TTC23L: variants seen among roughly 807,000 people sequenced by gnomAD.
TTC23L encodes the protein tetratricopeptide repeat domain 23 like, also known as tetratricopeptide repeat protein 23-like.
TTC23L carries 42 observed loss-of-function variants against 48.1 expected under a neutral mutation model. The ratio of observed to expected loss-of-function variants is 0.87; its 90% CI spans 0.68 to 1.13. The LOEUF is 1.13. TTC23L is among the 50% of genes most tolerant of loss of function. TTC23L has a pLI of 0.00. For synonymous variants in TTC23L, 159 were observed against 157.2 expected (o/e 1.01, Z -0.09); for missense variants, 391 against 421.0 (o/e 0.93, Z 0.62).
intron 8 of TTC23L, among the ~76,000 whole-genome samples, chr5:34,875,579 T>G (rs939766919): frequency 3.9e-5 from 6 of 151,932 alleles, no homozygotes; most frequent in Non-Finnish European, 8.8e-5. Flanking sequence ...AGATTAAGGG[T>G]GGGTCTGCCT....
chr5:34,839,600 G>A (rs953457799), intron 1 of TTC23L: 2 of 984,894 alleles, frequency 2.0e-6, no homozygotes, highest in African/African-American at 3.5e-5. Flanking sequence ...GTTAAAAAGA[G>A]AAATTAGTGA....
chr5:34,910,303 T>C, the TTC23L span, among the ~76,000 whole-genome samples: 252 of 152,306 alleles, frequency 1.7e-3, no homozygotes, highest in African/African-American at 5.7e-3. Context: ...TTTAAGTACC[T>C]GAATTTTTTA....
At chr5:34,876,551 TCA>T (rs1421187772) in intron 8 of TTC23L, among the ~76,000 whole-genome samples, 2 of 152,228 alleles carry the variant, frequency 1.3e-5, no homozygotes, top group Admixed American at 6.5e-5. Flanking sequence ...CTGCCAAAAC[TCA>T]CATAAGAAAA....
chr5:34,863,015 T>A lies in TTC23L; in HGVS notation c.497T>A (p.Leu166Gln). 1 of 1,613,994 alleles carries A rather than the reference T, an allele frequency of 6.2e-7. No individual in the cohort carries two copies. The highest frequency in any genetic ancestry group is 8.5e-7 in the Non-Finnish European group (1 of 1,179,884). The stretch of plus-strand genomic sequence containing the variant: ...GAAATCCTGGAAGCTCTGGTCAAGC[T>A]GTACTACACTCTGGGCGTGGCCTGG... Residue 166 changes from leucine (L) to glutamine (Q), a missense_variant, in exon 5 of 11, where the codon CTG becomes CAG. Physicochemically the swap from Leu to Gln is moderately radical, Grantham distance 113. Coordinates refer to ENST00000505624, the Ensembl canonical transcript of TTC23L. The surrounding 1 kb of genome is among the most constrained non-coding windows in gnomAD (Gnocchi z 4.1).
At chr5:34,918,636 G>A in the TTC23L span, 3 of 479,090 alleles carry the variant, frequency 6.3e-6, no homozygotes, top group Non-Finnish European at 7.5e-6. Flanking sequence ...TTAACATTTC[G>A]TAAGAAATTC....
At chr5:34,849,554 ACAGT>A (rs1426410938) in intron 3 of TTC23L, among the ~76,000 whole-genome samples, 4 of 152,232 alleles carry the variant, frequency 2.6e-5, no homozygotes, top group African/African-American at 4.8e-5. Context: ...CACAGTGTGG[ACAGT>A]CAAACAAATT....
chr5:34,866,016 A>C (rs528507524), intron 6 of TTC23L, among the ~76,000 whole-genome samples: 2 of 152,368 alleles, frequency 1.3e-5, no homozygotes, highest in East Asian at 1.9e-4. Flanking sequence ...ATGTAGGCTT[A>C]TAGAGTTTGA....
In TTC23L at chr5:34,863,201, C is replaced by A; in HGVS notation, c.536+147C>A. On this transcript the variant is annotated intron_variant, in intron 5 of 10. Transcript: ENST00000505624. The surrounding 1 kb of genome is among the most constrained non-coding windows in gnomAD (Gnocchi z 4.1). ...AAGGCCCTCCATGAGCCTCTCCTCT[C>A]CATCTAGAAGGGTGTGTATTCTCTT... 1 of 943,864 alleles carries A rather than the reference C, an allele frequency of 1.1e-6. No homozygotes were observed. Among genetic ancestry groups the A allele is most frequent in the Non-Finnish European group, 1.6e-6 (1 of 629,234 alleles). The allele number at this position is 943,864 out of a possible 1,614,324, so 58.5% of individuals were successfully genotyped here.
the TTC23L span, chr5:34,909,392 C>T: frequency 7.1e-7 from 1 of 1,402,698 alleles, no homozygotes; most frequent in Middle Eastern, 1.8e-4. Context: ...TTCATTCATC[C>T]AAAAATAAAC....
chr5:34,893,763 C>T (rs1255012755), intron 9 of TTC23L, among the ~76,000 whole-genome samples: 1 of 151,422 alleles, frequency 6.6e-6, no homozygotes, highest in Non-Finnish European at 1.5e-5. Context: ...GAAAAGGAGT[C>T]TCTGAAAAAG....
chr5:34,922,369 G>C, the TTC23L span: 269 of 997,926 alleles, frequency 2.7e-4, no homozygotes, highest in African/African-American at 3.9e-3. Flanking sequence ...GACTCCTAGT[G>C]TTTCATGTTA....
At chr5:34,887,608 G>GT (rs1277254412) in intron 9 of TTC23L, among the ~76,000 whole-genome samples, 6 of 152,020 alleles carry the variant, frequency 3.9e-5, no homozygotes, top group Non-Finnish European at 8.8e-5. Context: ...TACAGAATCT[G>GT]TTTTTTTAAT....
intron 8 of TTC23L, among the ~76,000 whole-genome samples, chr5:34,873,107 G>T (rs1332237972): frequency 6.6e-6 from 1 of 151,448 alleles, no homozygotes; most frequent in African/African-American, 2.4e-5. Context: ...TATATCTGTA[G>T]ATATCAAGGT....
At chr5:34,876,249 A>G (rs1761825147) in intron 8 of TTC23L, among the ~76,000 whole-genome samples, 1 of 152,234 alleles carries the variant, frequency 6.6e-6, no homozygotes, top group Middle Eastern at 3.4e-3. Flanking sequence ...AAGTAAGAAG[A>G]AAAAAATAAT....
At chr5:34,859,525 T>C (rs1485696466) in intron 4 of TTC23L, among the ~76,000 whole-genome samples, 1 of 152,130 alleles carries the variant, frequency 6.6e-6, no homozygotes, top group Non-Finnish European at 1.5e-5. Context: ...CAGAGGTGAT[T>C]AGGCTATGAG....
At chr5:34,861,147 T>C (rs1191139970) in intron 4 of TTC23L, 1 of 152,304 alleles carries the variant, frequency 6.6e-6, no homozygotes, top group Non-Finnish European at 1.5e-5. Context: ...TTTGTATTTT[T>C]AGTAGAGATG....
intron 8 of TTC23L, 197 bp downstream of exon 8, chr5:34,869,210 A>G: frequency 2.0e-6 from 1 of 503,864 alleles, no homozygotes; most frequent in South Asian, 2.1e-5. Context: ...AATGTCAGTA[A>G]CAAATAAATC....
chr5:34,914,922 G>A, the TTC23L span: 10 of 1,610,630 alleles, frequency 6.2e-6, no homozygotes, highest in South Asian at 9.9e-5. Context: ...CCCGAGGGAT[G>A]CTCCTGGGGC....
At chr5:34,881,648 T>C (rs913655409) in intron 9 of TTC23L, among the ~76,000 whole-genome samples, 3 of 152,230 alleles carry the variant, frequency 2.0e-5, no homozygotes, top group Non-Finnish European at 2.9e-5. Flanking sequence ...AAACATTTTT[T>C]ATAAATGATG....
Sources: allele counts gnomAD v4.1 joint callset (sites outside exome capture counted in the v4.1 genomes callset), GRCh38; gene constraint gnomAD v4.1.1; non-coding constraint Gnocchi (gnomAD v3.1); transcripts MANE v1.5; gene names NCBI Gene and HGNC (gene_info 2026-07-23, HGNC 2026-07-21).